SCAPER: variants seen among roughly 807,000 people sequenced by gnomAD.
The protein encoded by SCAPER is S-phase cyclin A associated protein in the ER, also known as S phase cyclin A-associated protein in the endoplasmic reticulum.
In SCAPER, 98 loss-of-function variants were observed where a neutral mutation model predicts 182.2. The ratio of observed to expected loss-of-function variants is 0.54; its 90% CI spans 0.46 to 0.64. The LOEUF (loss-of-function observed/expected upper bound fraction) is 0.64. Ranked by LOEUF, SCAPER falls within the 30% of genes least tolerant of loss-of-function variation. The probability of loss-of-function intolerance (pLI) is 0.00; values close to 1 mark genes in which losing one functional copy is unlikely to be tolerated. For synonymous variants in SCAPER, 605 were observed against 564.6 expected (o/e 1.07, Z -1.01); for missense variants, 1,432 against 1,690.0 (o/e 0.85, Z 2.68).
intron 23 of SCAPER, among the ~76,000 whole-genome samples, chr15:76,530,504 G>A (rs1026170408): frequency 6.6e-6 from 1 of 152,156 alleles, no homozygotes; most frequent in Non-Finnish European, 1.5e-5. Context: ...AAGGCATCAT[G>A]TACTGGCCTC....
chr15:76,500,322 C>T lies in SCAPER; in HGVS notation c.2954+4537G>A, dbSNP rs979392700. 3.4e-4 allele frequency among the ~76,000 whole-genome samples: 52 copies of T among 152,338 alleles called. 1 individual carries two copies. The highest frequency in any genetic ancestry group is 2.9e-5 in the Non-Finnish European group (2 of 68,032). On this transcript the variant is annotated intron_variant, in intron 24 of 31. Coordinates refer to ENST00000563290, the MANE Select transcript of SCAPER (RefSeq NM_020843.4). Reference sequence around the variant, plus strand: ...GCACCTGGTTAGTTCCCCAGCAGAACAACCTAAAGTAGCTCAGAGTTTACT... The same window carrying T: ...GCACCTGGTTAGTTCCCCAGCAGAATAACCTAAAGTAGCTCAGAGTTTACT...
intron 4 of SCAPER, among the ~76,000 whole-genome samples, chr15:76,847,050 T>C (rs192342992): frequency 7.2e-5 from 11 of 152,156 alleles, no homozygotes; most frequent in Admixed American, 3.9e-4. Context: ...TGCACTAATA[T>C]GGATGGAACT....
chr15:76,542,964 A>C (rs529708812), intron 23 of SCAPER, among the ~76,000 whole-genome samples: 2 of 152,296 alleles, frequency 1.3e-5, no homozygotes, highest in South Asian at 2.1e-4. Context: ...AAAGTTTTTC[A>C]GTTGTTTAGT....
rs543721556 is a variant in SCAPER at position 76,767,303 on chromosome 15, G to A, written c.1249-215C>T. Among the ~76,000 whole-genome samples the A allele has an allele frequency of 3.3e-5, 5 of 152,138 alleles. No individual in the cohort carries two copies. In the South Asian group the frequency reaches 1.0e-3, roughly 32 times the overall value. On this transcript the variant is annotated intron_variant, in intron 10 of 31. Transcript: ENST00000563290. Reference sequence around the variant, plus strand: ...AACCTACTTGGTATTCCATAAAATGGAACAATAATCAATGACTTGCCTTAT... The same window carrying A: ...AACCTACTTGGTATTCCATAAAATGAAACAATAATCAATGACTTGCCTTAT...
At chr15:76,442,062 T>TATATAG (rs1241453087) in intron 25 of SCAPER, among the ~76,000 whole-genome samples, 1 of 152,142 alleles carries the variant, frequency 6.6e-6, no homozygotes, top group Non-Finnish European at 1.5e-5. Flanking sequence ...TATACATGTA[T>TATATAG]ATATAGATAT....
At chr15:76,766,589 T>C (rs1050216553) in intron 11 of SCAPER, among the ~76,000 whole-genome samples, 2 of 151,880 alleles carry the variant, frequency 1.3e-5, no homozygotes, top group Non-Finnish European at 2.9e-5. Flanking sequence ...CCTACCGCCT[T>C]GGCCTCCCAA....
intron 1 of SCAPER, among the ~76,000 whole-genome samples, chr15:76,902,727 T>C (rs750296300): frequency 6.6e-6 from 1 of 152,206 alleles, no homozygotes; most frequent in Admixed American, 6.5e-5. Flanking sequence ...AGAAGTTGTT[T>C]ATCCTTTAAA....
intron 21 of SCAPER, among the ~76,000 whole-genome samples, chr15:76,649,702 T>TAA (rs35514634): frequency 6.7e-6 from 1 of 149,940 alleles, no homozygotes; most frequent in Non-Finnish European, 1.5e-5. Context: ...CCAAAGCCAT[T>TAA]AAAAAAACAC....
In SCAPER at chr15:76,632,094, T is replaced by G. The variant is rs1051776322; in HGVS notation, c.2646-10265A>C. Among the ~76,000 whole-genome samples, 4 of 152,222 alleles carry G rather than the reference T, an allele frequency of 2.6e-5. No individual in the cohort carries two copies. The East Asian group carries it at 7.7e-4, about 29-fold the overall frequency. ...TCTATTTGGCGACTGATACTTGTGTTTGCATTGTGACGTTCTCGTGTTGTG... is the reference window on the plus strand; with the variant it reads ...TCTATTTGGCGACTGATACTTGTGTGTGCATTGTGACGTTCTCGTGTTGTG... On this transcript the variant is annotated intron_variant, in intron 21 of 31. Transcript: ENST00000563290.
At chr15:76,449,061 G>C (rs143949859) in intron 25 of SCAPER, among the ~76,000 whole-genome samples, 1 of 152,280 alleles carries the variant, frequency 6.6e-6, no homozygotes, top group African/African-American at 2.4e-5. Context: ...ATACAAACGT[G>C]AGTCTTGGGA....
chr15:76,769,435 T>A, intron 10 of SCAPER, among the ~76,000 whole-genome samples: 1 of 91,084 alleles, frequency 1.1e-5, no homozygotes. Context: ...ACAGTGAGAC[T>A]CTGTCTCAAA....
chr15:76,833,756 G>A (rs2068707358), intron 5 of SCAPER, among the ~76,000 whole-genome samples: 1 of 152,132 alleles, frequency 6.6e-6, no homozygotes. Flanking sequence ...GATCAAAAAG[G>A]ACAAAGAAGA....
At chr15:76,630,740 G>A (rs2053034191) in intron 21 of SCAPER, among the ~76,000 whole-genome samples, 1 of 152,178 alleles carries the variant, frequency 6.6e-6, no homozygotes, top group African/African-American at 2.4e-5. Context: ...TAGAGTAAGT[G>A]CAATGAAGCA....
intron 29 of SCAPER, among the ~76,000 whole-genome samples, chr15:76,371,251 T>G (rs1373467847): frequency 1.3e-5 from 2 of 152,002 alleles, no homozygotes; most frequent in Admixed American, 6.6e-5. Flanking sequence ...AGACAAGAGA[T>G]GGCAAGAATA....
At chr15:76,604,730 G>C (rs1341385662) in intron 22 of SCAPER, among the ~76,000 whole-genome samples, 1 of 151,920 alleles carries the variant, frequency 6.6e-6, no homozygotes, top group Non-Finnish European at 1.5e-5. Flanking sequence ...TCTCCTTGAA[G>C]AGGTCCTTCA....
chr15:76,699,337 T>G (rs2147231403), intron 20 of SCAPER, among the ~76,000 whole-genome samples: 1 of 152,310 alleles, frequency 6.6e-6, no homozygotes, highest in South Asian at 2.1e-4. Context: ...CCTTGTCTCG[T>G]TCCAGTTCTC....
chr15:76,526,064 T>C (rs2043174775), intron 23 of SCAPER, among the ~76,000 whole-genome samples: 1 of 152,200 alleles, frequency 6.6e-6, no homozygotes, highest in African/African-American at 2.4e-5. Context: ...TGTCAATAAT[T>C]AATAAAATAC....
rs56866829 is a variant in SCAPER at position 76,614,148 on chromosome 15, A to T, written c.2711+7616T>A. Among the ~76,000 whole-genome samples, 654 of 152,348 alleles carry T rather than the reference A, an allele frequency of 4.3e-3. 6 individuals carry two copies. The highest frequency in any genetic ancestry group is 0.015 in the African/African-American group (623 of 41,570). On this transcript the variant is annotated intron_variant, in intron 22 of 31. Transcript: ENST00000563290. ...ACCCTTAGCAAACTAACACAGGAAG[A>T]GAAAACCAAATATCACATGTTCTCA...
intron 22 of SCAPER, among the ~76,000 whole-genome samples, chr15:76,613,132 T>C (rs1393666755): frequency 1.3e-5 from 2 of 152,146 alleles, no homozygotes; most frequent in African/African-American, 4.8e-5. Flanking sequence ...CTTACAACTA[T>C]CTGATCTTCA....
Sources: allele counts gnomAD v4.1 joint callset (sites outside exome capture counted in the v4.1 genomes callset), GRCh38; gene constraint gnomAD v4.1.1; transcripts MANE v1.5; gene names NCBI Gene and HGNC (gene_info 2026-07-23, HGNC 2026-07-21).